Variants in EVC2 observed in about 807,000 individuals in gnomAD.
EVC2 encodes the protein EvC ciliary complex subunit 2.
EVC2 carries 148 observed loss-of-function variants against 149.3 expected under a neutral mutation model. That is an observed-to-expected ratio of 0.99 (90% CI 0.87 to 1.14). The LOEUF (loss-of-function observed/expected upper bound fraction) is 1.14. Ranked by LOEUF, EVC2 falls within the 50% of genes most tolerant of loss-of-function variation. The pLI, the probability that EVC2 is intolerant of heterozygous loss-of-function variation, is 0.00. For missense variants in EVC2, 1,854 were observed against 1,627.3 expected, an observed-to-expected ratio of 1.14 and a Z score of -2.40; for synonymous variants, 776 against 649.9, an observed-to-expected ratio of 1.19 and a Z score of -2.95.
chr4:5,631,557 C>G lies in EVC2; in HGVS notation c.1710+236G>C, dbSNP rs115944729. 0.039 allele frequency among the ~76,000 whole-genome samples: 5,596 copies of G among 142,900 alleles called. 146 individuals carry two copies. Among genetic ancestry groups the G allele is most frequent in the South Asian group, 0.098 (439 of 4,500 alleles). The allele number at this position is 142,900 out of a possible 152,430, so 93.7% of individuals were successfully genotyped here. A position where few individuals can be genotyped will look rare whatever the true frequency, so the allele number is the denominator to read the frequency against. Reference sequence around the variant, plus strand: ...AAGTGAGGTAACTTGCTCAAGTTCACGCAGTAGACTGGGGGGGGGAACTGA... The same window carrying G: ...AAGTGAGGTAACTTGCTCAAGTTCAGGCAGTAGACTGGGGGGGGGAACTGA... On this transcript the variant is annotated intron_variant, in intron 11 of 21. Coordinates refer to ENST00000344408, the MANE Select transcript of EVC2 (RefSeq NM_147127.5).
intron 9 of EVC2, among the ~76,000 whole-genome samples, chr4:5,650,671 A>AGGGC (rs35334619): frequency 9.8e-6 from 1 of 102,414 alleles, no homozygotes; most frequent in African/African-American, 3.8e-5. Flanking sequence ...AGAGAGAGAG[A>AGGGC]GCCATTTAAT....
intron 16 of EVC2, among the ~76,000 whole-genome samples, chr4:5,592,935 G>A (rs888525066): frequency 6.6e-6 from 1 of 152,144 alleles, no homozygotes; most frequent in African/African-American, 2.4e-5. Context: ...CCTGTCATAG[G>A]AGGTAACTGA....
rs372223990 is a variant in EVC2 at position 5,694,441 on chromosome 4, G to A, written c.344C>T (p.Thr115Ile). The change falls in exon 3 of 22, where the codon ACT (threonine) becomes ATT (isoleucine). Residue 115 changes from threonine to isoleucine, a missense_variant. By Grantham distance (89) the Thr-to-Ile change is moderately conservative (BLOSUM62 -1). Transcript: ENST00000344408. ...CCATGGCCCACTAGAGGCTGCAGAA[G>A]TTGAGAGTGGGATGAAGACTTCCAT... ...KKMEVFIPLS[T>I]SAASSGPWAH... 11 of 1,614,122 alleles carry A rather than the reference G, an allele frequency of 6.8e-6. No homozygotes were observed. The South Asian group carries it at 9.9e-5, about 14-fold the overall frequency.
chr4:5,704,307 G>A (rs1487888614), intron 1 of EVC2, among the ~76,000 whole-genome samples: 3 of 152,160 alleles, frequency 2.0e-5, no homozygotes, highest in Admixed American at 6.5e-5. Flanking sequence ...CATGCGATAT[G>A]CTGACTAAAT....
In EVC2 at chr4:5,696,034, C is replaced by T. The variant is rs889836825; in HGVS notation, c.284-1533G>A. ...CAAGCATCGGGGAACTGATGGCCCT[C>T]GCCATGGAAACAAGTGGGTGCTCCA... On this transcript the variant is annotated intron_variant, in intron 2 of 21. Coordinates refer to ENST00000344408, the MANE Select transcript of EVC2 (RefSeq NM_147127.5). The surrounding 1 kb of genome is among the most constrained non-coding windows in gnomAD (Gnocchi z 4.1). Among the ~76,000 whole-genome samples, 1 of 152,098 alleles carries T rather than the reference C, an allele frequency of 6.6e-6. No individual in the cohort carries two copies. The highest frequency in any genetic ancestry group is 1.9e-4 in the East Asian group (1 of 5,182).
downstream of EVC2, among the ~76,000 whole-genome samples, chr4:5,557,751 T>C (rs1018775673): frequency 6.6e-6 from 1 of 152,144 alleles, no homozygotes; most frequent in African/African-American, 2.4e-5. Context: ...CAAAAATTGA[T>C]TGCTTTCCTA....
chr4:5,708,326 G>C lies in EVC2; in HGVS notation c.188C>G (p.Pro63Arg). 6.8e-7 allele frequency: 1 copy of C among 1,468,284 alleles called. No homozygotes were observed. The highest frequency in any genetic ancestry group is 1.3e-5 in the South Asian group (1 of 75,156). 91.0% of individuals were successfully genotyped at this position (1,468,284 alleles called of 1,614,324 possible). A position where few individuals can be genotyped will look rare whatever the true frequency, so the allele number is the denominator to read the frequency against. Residue 63 changes from proline (P) to arginine (R), a missense_variant, in exon 1 of 22, where the codon CCT becomes CGT. Pro to Arg is a moderately radical substitution (Grantham distance 103, BLOSUM62 -2). Transcript: ENST00000344408. ...APRSGPGLRI[P>R]PGRSGAGPES... Reference sequence around the variant, plus strand: ...GGGCCCCGCCCCGCTCCGCCCCGGAGGGATCCTCAGGCCGGGCCCAGACCT... The same window carrying C: ...GGGCCCCGCCCCGCTCCGCCCCGGACGGATCCTCAGGCCGGGCCCAGACCT...
At chr4:5,630,223 C>A (rs537072506) in intron 11 of EVC2, among the ~76,000 whole-genome samples, 1 of 152,178 alleles carries the variant, frequency 6.6e-6, no homozygotes, top group Non-Finnish European at 1.5e-5. Context: ...GACGATTACT[C>A]GGTCTCCTCC....
At chr4:5,653,427 TA>T (rs1286359694) in intron 9 of EVC2, among the ~76,000 whole-genome samples, 1 of 152,234 alleles carries the variant, frequency 6.6e-6, no homozygotes, top group Non-Finnish European at 1.5e-5. Flanking sequence ...GCCAGATGAC[TA>T]CTAAGATCCT....
chr4:5,665,556 G>C lies in EVC2; in HGVS notation c.964C>G (p.Arg322Gly). Reference protein sequence around the residue: ...LTWAALFLMVRYQCLKGNMLT... With the variant: ...LTWAALFLMVGYQCLKGNMLT... ...ATGTTTCCCTTCAGACACTGATAGCGAACCATGAGGAAGAGGGCAGCCCAG... is the reference window on the plus strand; with the variant it reads ...ATGTTTCCCTTCAGACACTGATAGCCAACCATGAGGAAGAGGGCAGCCCAG... Residue 322 changes from arginine to glycine, a missense_variant, in exon 8 of 22, where the codon CGC becomes GGC. Arg to Gly is a moderately radical substitution (Grantham distance 125, BLOSUM62 -2). Transcript: ENST00000344408. 1 of 1,614,156 alleles carries C rather than the reference G, an allele frequency of 6.2e-7. No homozygotes were observed.
intron 1 of EVC2, among the ~76,000 whole-genome samples, chr4:5,706,711 T>C: frequency 6.6e-6 from 1 of 151,860 alleles, no homozygotes; most frequent in African/African-American, 2.4e-5. Context: ...TCCTGTACAG[T>C]GTGCAGAAGG....
chr4:5,601,907 C>A (rs945622491), intron 16 of EVC2, among the ~76,000 whole-genome samples: 1 of 151,954 alleles, frequency 6.6e-6, no homozygotes, highest in Non-Finnish European at 1.5e-5. Flanking sequence ...TGAGATGTAC[C>A]CTGAAAGATG....
chr4:5,597,209 T>C (rs1713513580), intron 16 of EVC2, among the ~76,000 whole-genome samples: 1 of 152,124 alleles, frequency 6.6e-6, no homozygotes, highest in Non-Finnish European at 1.5e-5. Context: ...CCTCCCTAAC[T>C]CATTTTATGA....
At chr4:5,693,204 G>A (rs1210856092) in intron 3 of EVC2, among the ~76,000 whole-genome samples, 1 of 152,216 alleles carries the variant, frequency 6.6e-6, no homozygotes, top group African/African-American at 2.4e-5. Context: ...ACCTGTAACT[G>A]GAGAGGACTG....
chr4:5,615,922 G>T (rs1715213118), intron 15 of EVC2, among the ~76,000 whole-genome samples: 1 of 152,120 alleles, frequency 6.6e-6, no homozygotes, highest in Non-Finnish European at 1.5e-5. Context: ...TTCTTGCAAT[G>T]CTTCCATGAC....
intron 16 of EVC2, among the ~76,000 whole-genome samples, chr4:5,585,379 A>T (rs1712183307): frequency 6.6e-6 from 1 of 152,016 alleles, no homozygotes; most frequent in Admixed American, 6.6e-5. Flanking sequence ...CCCTTCCTGA[A>T]ATTCTACTAT....
At chr4:5,575,634 CT>C (rs1423491018) in intron 18 of EVC2, among the ~76,000 whole-genome samples, 1 of 152,224 alleles carries the variant, frequency 6.6e-6, no homozygotes, top group Admixed American at 6.5e-5. Context: ...GCCTCCAGTC[CT>C]TTCCATGTCC....
intron 1 of EVC2, among the ~76,000 whole-genome samples, chr4:5,707,334 G>A (rs533511842): frequency 2.0e-5 from 3 of 152,192 alleles, no homozygotes; most frequent in Admixed American, 1.3e-4. Flanking sequence ...TGCCAGTGTC[G>A]CAAGTGTCCT....
chr4:5,665,994 C>A (rs1331927360), intron 7 of EVC2, among the ~76,000 whole-genome samples: 2 of 152,190 alleles, frequency 1.3e-5, no homozygotes, highest in African/African-American at 4.8e-5. Context: ...GGATCCGTGA[C>A]ATTTTCTGAG....
Sources: allele counts gnomAD v4.1 joint callset (sites outside exome capture counted in the v4.1 genomes callset), GRCh38; gene constraint gnomAD v4.1.1; non-coding constraint Gnocchi (gnomAD v3.1); transcripts MANE v1.5; gene names NCBI Gene and HGNC (gene_info 2026-07-23, HGNC 2026-07-21).